The following TUSC3 variants were observed in gnomAD, a reference collection of about 807,000 sequenced individuals.
The protein encoded by TUSC3 is tumor suppressor candidate 3.
Under a neutral mutation model 44.8 loss-of-function variants are expected in TUSC3, and 45 were observed. The ratio of observed to expected loss-of-function variants is 1.00; its 90% CI spans 0.79 to 1.29. The LOEUF (loss-of-function observed/expected upper bound fraction) is 1.29, where lower values mean the gene tolerates loss of function less well. Ranked by LOEUF, TUSC3 falls within the 50% of genes most tolerant of loss-of-function variation. The pLI is 0.00. For missense variants in TUSC3, 519 were observed against 437.9 expected, an observed-to-expected ratio of 1.19 and a Z score of -1.65; for synonymous variants, 212 against 152.9, an observed-to-expected ratio of 1.39 and a Z score of -2.85.
At chr8:15,754,451 AC>A (rs1811837605) in intron 9 of TUSC3, among the ~76,000 whole-genome samples, 2 of 152,148 alleles carry the variant, frequency 1.3e-5, no homozygotes, top group African/African-American at 4.8e-5. Context: ...GCTAGTACAG[AC>A]ACACATTCTT....
At chr8:15,776,998 G>A in the TUSC3 span, among the ~76,000 whole-genome samples, 23 of 152,104 alleles carry the variant, frequency 1.5e-4, no homozygotes, top group East Asian at 2.5e-3. Context: ...TAGTGGTGCC[G>A]TATCTCATGT....
At chr8:15,445,309 G>A (rs1365962427) in intron 1 of TUSC3, among the ~76,000 whole-genome samples, 1 of 151,720 alleles carries the variant, frequency 6.6e-6, no homozygotes, top group Admixed American at 6.6e-5. Context: ...TCTATCCCAG[G>A]ATTTTATTTT....
chr8:15,758,207 A>G (rs1812013485), intron 10 of TUSC3: 1 of 1,018,642 alleles, frequency 9.8e-7, no homozygotes, highest in African/African-American at 1.7e-5. Context: ...ATGTAGCCAA[A>G]TCTTTTTTCC....
At chr8:15,452,704 G>C (rs1445723040) in intron 1 of TUSC3, among the ~76,000 whole-genome samples, 3 of 152,100 alleles carry the variant, frequency 2.0e-5, no homozygotes, top group East Asian at 3.9e-4. Context: ...CCTGTCCCCA[G>C]CTATCACCAG....
At chr8:15,757,494 A>G (rs558650036) in intron 9 of TUSC3, among the ~76,000 whole-genome samples, 2 of 152,318 alleles carry the variant, frequency 1.3e-5, no homozygotes, top group Admixed American at 6.5e-5. Context: ...AAATAGAACA[A>G]TAATATCTAA....
chr8:15,609,115 G>A (rs1230396655), intron 1 of TUSC3, among the ~76,000 whole-genome samples: 4 of 152,128 alleles, frequency 2.6e-5, no homozygotes, highest in Non-Finnish European at 5.9e-5. Flanking sequence ...TTTAGTGACT[G>A]ATTTGTGTGA....
chr8:15,595,841 T>C (rs1804045292), intron 1 of TUSC3, among the ~76,000 whole-genome samples: 1 of 152,186 alleles, frequency 6.6e-6, no homozygotes, highest in South Asian at 2.1e-4. Flanking sequence ...ATTTTTTGTC[T>C]TACAAGTTGT....
At chr8:15,556,309 C>G (rs1359114971) in intron 1 of TUSC3, among the ~76,000 whole-genome samples, 1 of 150,056 alleles carries the variant, frequency 6.7e-6, no homozygotes, top group African/African-American at 2.4e-5. Context: ...CAATTTCATC[C>G]ATGTCCCTAC....
intron 2 of TUSC3, among the ~76,000 whole-genome samples, chr8:15,488,867 T>C (rs867719013): frequency 6.6e-6 from 1 of 152,210 alleles, no homozygotes; most frequent in African/African-American, 2.4e-5. Flanking sequence ...CAGTCTATAG[T>C]ATTTGTTATA....
chr8:15,797,449 A>G, the TUSC3 span, among the ~76,000 whole-genome samples: 1 of 152,104 alleles, frequency 6.6e-6, no homozygotes, highest in Non-Finnish European at 1.5e-5. Flanking sequence ...TCCATAAAAA[A>G]CTTTACTTGG....
intron 1 of TUSC3, among the ~76,000 whole-genome samples, chr8:15,438,508 A>C (rs980374774): frequency 7.2e-5 from 11 of 152,118 alleles, no homozygotes; most frequent in Non-Finnish European, 1.6e-4. Context: ...GAATTTCAGA[A>C]ACTTGAGGTA....
intron 1 of TUSC3, among the ~76,000 whole-genome samples, chr8:15,554,211 G>T (rs1180999185): frequency 6.6e-6 from 1 of 151,712 alleles, no homozygotes; most frequent in African/African-American, 2.4e-5. Flanking sequence ...TTCAACATAA[G>T]AATTTTGTGG....
chr8:15,520,713 A>G (rs112103638), intron 2 of TUSC3, among the ~76,000 whole-genome samples: 15 of 152,306 alleles, frequency 9.8e-5, no homozygotes, highest in African/African-American at 2.4e-4. Context: ...TACCTATGCA[A>G]TTCCGTTCTC....
At chr8:15,425,640 TAGAG>T (rs1467121368) in intron 1 of TUSC3, among the ~76,000 whole-genome samples, 6 of 152,220 alleles carry the variant, frequency 3.9e-5, no homozygotes, top group African/African-American at 1.2e-4. Context: ...GGCATGAAGT[TAGAG>T]AGGCAGTATG....
At chr8:15,694,435 C>CAAAAAAA (rs146718595) in intron 6 of TUSC3, among the ~76,000 whole-genome samples, 1 of 83,230 alleles carries the variant, frequency 1.2e-5, no homozygotes, top group African/African-American at 5.5e-5. Flanking sequence ...AAACTCCATC[C>CAAAAAAA]AAAAAAAAAA....
intron 2 of TUSC3, among the ~76,000 whole-genome samples, chr8:15,492,671 T>TCACAC (rs1459253311): frequency 6.6e-6 from 1 of 151,856 alleles, no homozygotes; most frequent in African/African-American, 2.4e-5. Context: ...GCACAGTGGC[T>TCACAC]CACACCTGTA....
At chr8:15,820,573 C>T in the TUSC3 span, among the ~76,000 whole-genome samples, 1 of 152,158 alleles carries the variant, frequency 6.6e-6, no homozygotes, top group African/African-American at 2.4e-5. Context: ...CCACCTCAGC[C>T]TCCCAACGTG....
At chr8:15,794,758 C>A in the TUSC3 span, among the ~76,000 whole-genome samples, 3 of 152,016 alleles carry the variant, frequency 2.0e-5, no homozygotes, top group Admixed American at 6.5e-5. Flanking sequence ...TGATAGTAAG[C>A]ACATTTGCCC....
chr8:15,463,106 CTG>C (rs1434942667), intron 1 of TUSC3, among the ~76,000 whole-genome samples: 1 of 151,904 alleles, frequency 6.6e-6, no homozygotes, highest in African/African-American at 2.4e-5. Context: ...GTCTCTCTCT[CTG>C]TTTTTCTGGT....
Sources: gnomAD v4.1 joint callset for allele counts (sites outside exome capture counted in the v4.1 genomes callset) on GRCh38, gnomAD v4.1.1 for gene constraint, MANE v1.5 for transcripts, NCBI Gene and HGNC (gene_info 2026-07-23, HGNC 2026-07-21) for gene names.